PCSK1: variants seen among roughly 807,000 people sequenced by gnomAD.
PCSK1 encodes the protein neuroendocrine convertase 1.
PCSK1 carries 56 observed loss-of-function variants against 90.6 expected under a neutral mutation model. That is an observed-to-expected ratio of 0.62 (90% confidence interval 0.50 to 0.77). The LOEUF (loss-of-function observed/expected upper bound fraction) is 0.77, where lower values mean the gene tolerates loss of function less well. PCSK1 is among the 30% of genes least tolerant of loss of function. PCSK1 has a pLI of 0.00. For synonymous variants in PCSK1, 348 were observed against 342.4 expected (o/e 1.02, Z -0.18); for missense variants, 801 against 932.6 (o/e 0.86, Z 1.84).
At chr5:96,409,370 C>T (rs1361020513) in intron 8 of PCSK1, among the ~76,000 whole-genome samples, 1 of 152,198 alleles carries the variant, frequency 6.6e-6, no homozygotes, top group African/African-American at 2.4e-5. Flanking sequence ...TGGCTCTGCT[C>T]CTCAGAGGGC....
chr5:96,416,778 C>A (rs1240981300), intron 5 of PCSK1, among the ~76,000 whole-genome samples: 1 of 152,158 alleles, frequency 6.6e-6, no homozygotes, highest in Non-Finnish European at 1.5e-5. Context: ...GGCCAGAAGC[C>A]TGAACATGAT....
intron 11 of PCSK1, among the ~76,000 whole-genome samples, chr5:96,398,586 G>T (rs1335498934): frequency 1.3e-5 from 2 of 152,174 alleles, no homozygotes; most frequent in Admixed American, 6.5e-5. Context: ...AGAGAAAAGT[G>T]ATAGGTCAGT....
In PCSK1 at chr5:96,392,922, A is replaced by T; in HGVS notation, c.*79T>A. ...TATAAGCATAAGAATTCATGACAAAACAACCACTTCAGACACAGGCAAAAT... is the reference window on the plus strand; with the variant it reads ...TATAAGCATAAGAATTCATGACAAATCAACCACTTCAGACACAGGCAAAAT... On this transcript the variant is annotated 3_prime_UTR_variant, in exon 14 of 14. Coordinates refer to ENST00000311106, the MANE Select transcript of PCSK1 (RefSeq NM_000439.5). 1 of 1,425,412 alleles carries T rather than the reference A, an allele frequency of 7.0e-7. No homozygotes were observed. The highest frequency in any genetic ancestry group is 1.2e-5 in the South Asian group (1 of 86,644). The allele number at this position is 1,425,412 out of a possible 1,614,324, so 88.3% of individuals were successfully genotyped here. A position where few individuals can be genotyped will look rare whatever the true frequency, so the allele number is the denominator to read the frequency against.
At chr5:96,422,727 C>T (rs1198076924) in intron 4 of PCSK1, among the ~76,000 whole-genome samples, 1 of 152,114 alleles carries the variant, frequency 6.6e-6, no homozygotes, top group Non-Finnish European at 1.5e-5. Flanking sequence ...ACACCAGCCT[C>T]CTGATCTAAA....
chr5:96,412,444 A>C lies in PCSK1; in HGVS notation c.756T>G (p.Ser252Arg). The C allele has an allele frequency of 6.2e-7, 1 of 1,614,070 alleles. No homozygotes were observed. The highest frequency in any genetic ancestry group is 8.5e-7 in the Non-Finnish European group (1 of 1,179,944). The change falls in exon 7 of 14, where the codon AGT (serine) becomes AGG (arginine). Residue 252 changes from serine (S) to arginine (R), a missense_variant. By Grantham distance (110) the Ser-to-Arg change is moderately radical (BLOSUM62 -1). Coordinates refer to ENST00000311106, the MANE Select transcript of PCSK1 (RefSeq NM_000439.5). ...CGTGTCCAGGATTGAATCCAATTGA[A>C]CTGGCCTCAATAGCATCCGTCACAA... is the stretch of plus-strand genomic sequence containing the variant. ...DGIVTDAIEA[S>R]SIGFNPGHVD...
rs962274000 is a variant in PCSK1 at position 96,421,865 on chromosome 5, T to A, written c.620+15A>T. 7.5e-7 allele frequency: 1 copy of A among 1,328,128 alleles called. No individual in the cohort carries two copies. The highest frequency in any genetic ancestry group is 1.4e-5 in the African/African-American group (1 of 68,988). The allele number at this position is 1,328,128 out of a possible 1,614,324, so 82.3% of individuals were successfully genotyped here. ...TGTAAAGTACTTTATTTCACACAAA[T>A]GCATATTTACTCACTTGTTCTCGTT... On this transcript the variant is annotated intron_variant, in intron 5 of 13. Coordinates refer to ENST00000311106, the MANE Select transcript of PCSK1 (RefSeq NM_000439.5).
chr5:96,432,263 C>T, intron 1 of PCSK1: 1 of 751,370 alleles, frequency 1.3e-6, no homozygotes. Flanking sequence ...CCCACCATTT[C>T]TCCCCCCAGC....
intron 2 of PCSK1, among the ~76,000 whole-genome samples, chr5:96,427,188 A>C (rs1281347604): frequency 1.3e-5 from 2 of 152,208 alleles, no homozygotes; most frequent in Non-Finnish European, 2.9e-5. Context: ...ATCAAAAAAG[A>C]GCAATAAAAT....
At chr5:96,404,033 A>T (rs1475645685) in intron 9 of PCSK1, among the ~76,000 whole-genome samples, 1 of 152,222 alleles carries the variant, frequency 6.6e-6, no homozygotes, top group Non-Finnish European at 1.5e-5. Flanking sequence ...CAGAAGGCTG[A>T]GGCTATTTTC....
At position 96,404,328 on chromosome 5, in the gene PCSK1, C is replaced by T. The variant is rs1038089658; in HGVS notation, c.1196+3895G>A. 1.3e-4 allele frequency among the ~76,000 whole-genome samples: 20 copies of T among 152,310 alleles called. No homozygotes were observed. The East Asian group carries it at 1.3e-3, about 10-fold the overall frequency. On this transcript the variant is annotated intron_variant, in intron 9 of 13. Coordinates refer to ENST00000311106, the MANE Select transcript of PCSK1 (RefSeq NM_000439.5). Reference sequence around the variant, plus strand: ...ATTCCTAGGTTGAATACCAGAAACTCCTAGGCAGATACAAGGTCTGAATAG... The same window carrying T: ...ATTCCTAGGTTGAATACCAGAAACTTCTAGGCAGATACAAGGTCTGAATAG...
At chr5:96,423,950 T>A (rs973694159) in intron 3 of PCSK1, among the ~76,000 whole-genome samples, 2 of 152,214 alleles carry the variant, frequency 1.3e-5, no homozygotes, top group Non-Finnish European at 1.5e-5. Context: ...CAGGAGACTG[T>A]GATTGCCTCA....
intron 7 of PCSK1, among the ~76,000 whole-genome samples, chr5:96,411,348 A>G (rs554267265): frequency 2.6e-5 from 4 of 152,320 alleles, no homozygotes; most frequent in African/African-American, 7.2e-5. Context: ...TTCTGCTTCA[A>G]TCTTCTGGCT....
At chr5:96,410,638 A>G in intron 8 of PCSK1, 136 bp downstream of exon 8, 1 of 759,842 alleles carries the variant, frequency 1.3e-6, no homozygotes. Context: ...CTTTCAAGTG[A>G]GTAAGTGTGA....
intron 3 of PCSK1, among the ~76,000 whole-genome samples, chr5:96,424,769 A>C (rs146319722): frequency 0.025 from 3,744 of 152,060 alleles, 152 homozygotes; most frequent in African/African-American, 0.086. Context: ...TCGAGACCAG[A>C]CTGACCAATG....
At chr5:96,402,078 C>T (rs1237655871) in intron 9 of PCSK1, among the ~76,000 whole-genome samples, 1 of 152,204 alleles carries the variant, frequency 6.6e-6, no homozygotes, top group Non-Finnish European at 1.5e-5. Context: ...GGAGAACAAT[C>T]ATCAGGGGAG....
At chr5:96,413,488 A>G (rs570071745) in intron 6 of PCSK1, among the ~76,000 whole-genome samples, 1 of 152,328 alleles carries the variant, frequency 6.6e-6, no homozygotes, top group South Asian at 2.1e-4. Context: ...TTGTATTTGT[A>G]AAAAAGAAAT....
At chr5:96,400,528 A>C (rs1450889587) in intron 9 of PCSK1, among the ~76,000 whole-genome samples, 1 of 152,070 alleles carries the variant, frequency 6.6e-6, no homozygotes, top group Non-Finnish European at 1.5e-5. Flanking sequence ...AAATGGTAAC[A>C]CTTTCTTTAT....
chr5:96,392,261 C>CAGA lies in PCSK1; in HGVS notation c.*737_*739dup, dbSNP rs5869716. ...AAAGGAGACAGGTATAGAAAACTTT[C>CAGA]AGAAGGAGAAACAGAGGAAAGACCA... On this transcript the variant is annotated 3_prime_UTR_variant, in exon 14 of 14. Coordinates refer to ENST00000311106, the MANE Select transcript of PCSK1 (RefSeq NM_000439.5). 46,821 of 151,458 alleles carry CAGA rather than the reference C, an allele frequency of 0.31. 7,471 individuals are homozygous for CAGA. The highest frequency in any genetic ancestry group is 0.39 in the African/African-American group (16,007 of 41,218). The allele number at this position is 151,458 out of a possible 1,614,324, so 9.4% of individuals were successfully genotyped here.
At chr5:96,424,054 T>A (rs1761208797) in intron 3 of PCSK1, among the ~76,000 whole-genome samples, 1 of 151,984 alleles carries the variant, frequency 6.6e-6, no homozygotes, top group Admixed American at 6.5e-5. Context: ...TTAAAATACA[T>A]TTTCTGATAG....
Sources: allele counts gnomAD v4.1 joint callset (sites outside exome capture counted in the v4.1 genomes callset), GRCh38; gene constraint gnomAD v4.1.1; transcripts MANE v1.5; gene names NCBI Gene and HGNC (gene_info 2026-07-23, HGNC 2026-07-21).